Variants in WDFY3 observed in about 807,000 individuals in gnomAD.
WDFY3 encodes the protein WD repeat and FYVE domain containing 3, also known as WD repeat and FYVE domain-containing protein 3.
A neutral mutation model predicts 409.6 loss-of-function variants in WDFY3; 66 were observed. That is an observed-to-expected ratio of 0.16 (90% CI 0.13 to 0.20). WDFY3 has a LOEUF of 0.20. Ranked by LOEUF, WDFY3 falls within the 10% of genes least tolerant of loss-of-function variation. The pLI is 1.00. For synonymous variants in WDFY3, 1,521 were observed against 1,537.1 expected, an observed-to-expected ratio of 0.99 and a Z score of 0.25; for missense variants, 3,031 against 4,298.1, an observed-to-expected ratio of 0.71 and a Z score of 8.24.
At position 84,831,607 on chromosome 4, in the gene WDFY3, TA is replaced by T. The variant is rs764543953; in HGVS notation, c.577-3del. On this transcript the variant is annotated splice_region_variant and splice_polypyrimidine_tract_variant and intron_variant, in intron 7 of 67. Transcript: ENST00000295888. ...AAAACTGCACAGTTTCACTAAGATC[TA>T]AAAAATAAAACAAAACAAAACAAGA... is the stretch of plus-strand genomic sequence containing the variant. 3.1e-6 allele frequency: 5 copies of T among 1,598,996 alleles called. No individual in the cohort carries two copies. The highest frequency in any genetic ancestry group is 1.3e-5 in the African/African-American group (1 of 74,104).
chr4:84,793,952 A>C (rs769752453), intron 21 of WDFY3, among the ~76,000 whole-genome samples: 1 of 152,244 alleles, frequency 6.6e-6, no homozygotes, highest in Non-Finnish European at 1.5e-5. Flanking sequence ...AAGAAAATTA[A>C]GTAAATTGAG....
At chr4:84,782,309 A>C (rs1187851486) in intron 25 of WDFY3, among the ~76,000 whole-genome samples, 4 of 152,198 alleles carry the variant, frequency 2.6e-5, no homozygotes, top group Non-Finnish European at 5.9e-5. Flanking sequence ...AAATTTACCT[A>C]AAAGTTACAC....
At chr4:84,866,688 C>T (rs980326715) in intron 3 of WDFY3, among the ~76,000 whole-genome samples, 1 of 152,194 alleles carries the variant, frequency 6.6e-6, no homozygotes, top group Non-Finnish European at 1.5e-5. Flanking sequence ...GTAACCAGGC[C>T]CTTGAGCCAC....
chr4:84,747,799 C>G (rs1027966727), intron 36 of WDFY3, among the ~76,000 whole-genome samples: 1 of 152,118 alleles, frequency 6.6e-6, no homozygotes, highest in Non-Finnish European at 1.5e-5. Context: ...TTTGCTTCCC[C>G]TTCTGCCATG....
chr4:84,785,934 C>G, intron 24 of WDFY3, 45 bp downstream of exon 24: 1 of 1,601,204 alleles, frequency 6.2e-7, no homozygotes. Flanking sequence ...AGACATGTTC[C>G]CAGTGAGAAT....
In WDFY3 at chr4:84,798,121, C is replaced by T. The variant is rs748388000; in HGVS notation, c.2823-13G>A. ...ACGTAAAAACTCCCTAAGAAAGAGA[C>T]AAAGCAAAGTTATTCCTTGATTGAG... On this transcript the variant is annotated splice_polypyrimidine_tract_variant and intron_variant, in intron 17 of 67. Coordinates refer to ENST00000295888, the MANE Select transcript of WDFY3 (RefSeq NM_014991.6). 1.0e-5 allele frequency: 16 copies of T among 1,590,432 alleles called. No individual in the cohort carries two copies. The South Asian group carries it at 1.4e-4, about 14-fold the overall frequency.
At chr4:84,923,457 T>C (rs1482963919) in intron 2 of WDFY3, among the ~76,000 whole-genome samples, 1 of 152,210 alleles carries the variant, frequency 6.6e-6, no homozygotes, top group Non-Finnish European at 1.5e-5. Context: ...TGTCTCTCAC[T>C]GCTTCTTTGG....
intron 2 of WDFY3, among the ~76,000 whole-genome samples, chr4:84,915,923 A>G (rs953110562): frequency 6.6e-6 from 1 of 152,216 alleles, no homozygotes; most frequent in Non-Finnish European, 1.5e-5. Context: ...TTTTCTAATC[A>G]GGAATGCTAT....
intron 1 of WDFY3, among the ~76,000 whole-genome samples, chr4:84,963,611 G>C (rs1312226212): frequency 6.6e-6 from 1 of 152,062 alleles, no homozygotes; most frequent in Non-Finnish European, 1.5e-5. Flanking sequence ...CATACTGGGG[G>C]TCCAGGGCTC....
intron 60 of WDFY3, among the ~76,000 whole-genome samples, chr4:84,691,254 C>A (rs1258273103): frequency 6.6e-6 from 1 of 151,910 alleles, no homozygotes; most frequent in Non-Finnish European, 1.5e-5. Flanking sequence ...TTGTTTGGAG[C>A]ACTAAAATGA....
intron 34 of WDFY3, 47 bp downstream of exon 34, chr4:84,755,219 T>G: frequency 1.0e-5 from 16 of 1,589,770 alleles, no homozygotes; most frequent in Non-Finnish European, 1.3e-5. Context: ...AAAAGTATCC[T>G]AGGCAGGAGG....
At chr4:84,934,580 T>C (rs1579193563) in intron 1 of WDFY3, among the ~76,000 whole-genome samples, 2 of 152,152 alleles carry the variant, frequency 1.3e-5, no homozygotes, top group East Asian at 3.9e-4. Flanking sequence ...GGAATTCAGG[T>C]GGCAGTAGAG....
intron 3 of WDFY3, among the ~76,000 whole-genome samples, chr4:84,871,308 A>G (rs1310080455): frequency 1.3e-5 from 2 of 152,194 alleles, no homozygotes; most frequent in Non-Finnish European, 2.9e-5. Context: ...CATCTAAAAC[A>G]TGCAAGCAAA....
intron 60 of WDFY3, among the ~76,000 whole-genome samples, chr4:84,690,904 G>A (rs1729154502): frequency 6.6e-6 from 1 of 152,130 alleles, no homozygotes; most frequent in South Asian, 2.1e-4. Flanking sequence ...CTCATAATGG[G>A]GGTCTCTGGT....
At chr4:84,935,327 A>C (rs1159300361) in intron 1 of WDFY3, among the ~76,000 whole-genome samples, 1 of 152,164 alleles carries the variant, frequency 6.6e-6, no homozygotes, top group Admixed American at 6.6e-5. Flanking sequence ...TTATAACTTC[A>C]CTACCAAAAG....
In WDFY3 at chr4:84,797,096, CTA is replaced by C. The variant is rs1464022731; in HGVS notation, c.2936-346_2936-345del. ...CAGGAAATACTTTTATTTCATAAAACTATGATTTATTAATTCTCTTTGAGGGA... is the reference window on the plus strand; with the variant it reads ...CAGGAAATACTTTTATTTCATAAAACTGATTTATTAATTCTCTTTGAGGGA... On this transcript the variant is annotated intron_variant, in intron 18 of 67. Transcript: ENST00000295888. Among the ~76,000 whole-genome samples the C allele has an allele frequency of 2.0e-5, 3 of 152,182 alleles. No homozygotes were observed. The Middle Eastern group carries it at 0.01, about 518-fold the overall frequency.
At position 84,786,013 on chromosome 4, in the gene WDFY3, T is replaced by C. The variant is rs1157921540; in HGVS notation, c.4028A>G (p.Tyr1343Cys). The change falls in exon 24 of 68, where the codon TAT (tyrosine) becomes TGT (cysteine). Residue 1343 changes from tyrosine (Y) to cysteine (C), a missense_variant. Coordinates refer to ENST00000295888, the MANE Select transcript of WDFY3 (RefSeq NM_014991.6). ...AATGGCTTTGCTATCCAATTTGTTA[T>C]ACACTTTCCGGATTCTTGCCACTGT... Reference protein sequence around the residue: ...SLTVARIRKVYNKLDSKAIAK... With the variant: ...SLTVARIRKVCNKLDSKAIAK... 7 of 1,613,964 alleles carry C rather than the reference T, an allele frequency of 4.3e-6. No homozygotes were observed. The highest frequency in any genetic ancestry group is 1.1e-5 in the South Asian group (1 of 91,058).
chr4:84,906,622 A>G (rs929129874), intron 2 of WDFY3, among the ~76,000 whole-genome samples: 1 of 152,188 alleles, frequency 6.6e-6, no homozygotes, highest in African/African-American at 2.4e-5. Context: ...AAAATGATAC[A>G]GTAATTACAT....
chr4:84,901,844 A>C (rs1303878205), intron 2 of WDFY3, among the ~76,000 whole-genome samples: 1 of 152,150 alleles, frequency 6.6e-6, no homozygotes, highest in Non-Finnish European at 1.5e-5. Flanking sequence ...AACCCATCTC[A>C]GTATTTCCCT....
Sources: gnomAD v4.1 joint callset for allele counts (sites outside exome capture counted in the v4.1 genomes callset) on GRCh38, gnomAD v4.1.1 for gene constraint, MANE v1.5 for transcripts, NCBI Gene and HGNC (gene_info 2026-07-23, HGNC 2026-07-21) for gene names.